DNAH6: variants seen among roughly 807,000 people sequenced by gnomAD.
The protein encoded by DNAH6 is dynein axonemal heavy chain 6.
A neutral mutation model predicts 491.4 loss-of-function variants in DNAH6; 340 were observed. The observed-to-expected ratio is 0.69, with a 90% confidence interval of 0.63 to 0.76. The LOEUF (loss-of-function observed/expected upper bound fraction) is 0.76, where lower values mean the gene tolerates loss of function less well. Ranked by LOEUF, DNAH6 falls within the 30% of genes least tolerant of loss-of-function variation. The pLI is 0.00. For missense variants in DNAH6, 4,443 were observed against 4,972.2 expected (o/e 0.89, Z 3.20); for synonymous variants, 1,603 against 1,686.1 (o/e 0.95, Z 1.21).
At position 84,613,308 on chromosome 2, in the gene DNAH6, T is replaced by C. The variant is rs77932714; in HGVS notation, c.3475+1454T>C. Among the ~76,000 whole-genome samples, 782 of 152,202 alleles carry C rather than the reference T, an allele frequency of 5.1e-3. 18 individuals are homozygous for C. The East Asian group carries it at 0.088, about 17-fold the overall frequency. ...CAAGGCTCCCAAGGTGAGTGCATGC[T>C]TCACATGCCCAATTGTTTGCAAGGA... On this transcript the variant is annotated intron_variant, in intron 22 of 76. Coordinates refer to ENST00000389394, the MANE Select transcript of DNAH6 (RefSeq NM_001370.2).
chr2:84,617,097 C>T (rs1046860418), intron 23 of DNAH6, 115 bp downstream of exon 23: 1 of 587,982 alleles, frequency 1.7e-6, no homozygotes, highest in African/African-American at 2.0e-5. Flanking sequence ...CAAAAAAGAT[C>T]TACGATAATG....
chr2:84,706,894 A>C lies in DNAH6; in HGVS notation c.8728-2A>C, dbSNP rs982318196. The C allele has an allele frequency of 1.3e-6, 2 of 1,536,788 alleles. No individual in the cohort carries two copies. The highest frequency in any genetic ancestry group is 2.2e-5 in the Admixed American group (1 of 46,182). The stretch of plus-strand genomic sequence containing the variant: ...TCTTAAACAGTTGCTTGATTTTATT[A>C]GGCTGAACTTGACATTACCATGGCT... On this transcript the variant is annotated splice_acceptor_variant, in intron 52 of 76. Coordinates refer to ENST00000389394, the MANE Select transcript of DNAH6 (RefSeq NM_001370.2). LOFTEE classifies it high-confidence loss of function.
intron 14 of DNAH6, among the ~76,000 whole-genome samples, chr2:84,583,005 C>G (rs184512576): frequency 6.6e-6 from 1 of 152,150 alleles, no homozygotes; most frequent in Non-Finnish European, 1.5e-5. Flanking sequence ...CCAAGTAGTA[C>G]GAACATGGCT....
In DNAH6 at chr2:84,605,500, G is replaced by A. The variant is rs759774035; in HGVS notation, c.3082G>A (p.Val1028Met). 1 of 1,548,570 alleles carries A rather than the reference G, an allele frequency of 6.5e-7. No homozygotes were observed. The highest frequency in any genetic ancestry group is 1.2e-5 in the South Asian group (1 of 83,998). The change falls in exon 20 of 77, where the codon GTG becomes ATG. Residue 1028 changes from valine (V) to methionine (M), a missense_variant and splice_region_variant. By Grantham distance (21) the Val-to-Met change is conservative. Coordinates refer to ENST00000389394, the MANE Select transcript of DNAH6 (RefSeq NM_001370.2). ...EAALEAILKK[V>M]EDSWKTTEFV... ...TCCTAAGGCTTGAATTATTTCTAAG[G>A]TGGAGGACTCTTGGAAAACAACTGA...
intron 54 of DNAH6, among the ~76,000 whole-genome samples, chr2:84,708,160 G>A (rs989524915): frequency 6.6e-6 from 1 of 152,108 alleles, no homozygotes; most frequent in Admixed American, 6.5e-5. Flanking sequence ...AGCCTCAGCT[G>A]GGTGCGGTGG....
intron 4 of DNAH6, among the ~76,000 whole-genome samples, chr2:84,533,132 G>A (rs1041680969): frequency 2.6e-5 from 4 of 152,114 alleles, no homozygotes; most frequent in African/African-American, 9.7e-5. Flanking sequence ...GCACTTAGCT[G>A]TGTGTGCAGC....
chr2:84,810,448 G>C (rs1031318612), intron 72 of DNAH6, among the ~76,000 whole-genome samples: 1 of 152,174 alleles, frequency 6.6e-6, no homozygotes, highest in African/African-American at 2.4e-5. Context: ...AAGGGGAGGA[G>C]CCCAGGGACA....
the DNAH6 span, among the ~76,000 whole-genome samples, chr2:84,461,406 G>A: frequency 5.9e-5 from 9 of 152,094 alleles, no homozygotes; most frequent in African/African-American, 1.4e-4. Context: ...AGTTTGGTCC[G>A]GGAACACCCC....
chr2:84,606,073 C>A (rs1158866099), intron 20 of DNAH6, among the ~76,000 whole-genome samples: 1 of 152,164 alleles, frequency 6.6e-6, no homozygotes, highest in African/African-American at 2.4e-5. Flanking sequence ...ACAATGGCCA[C>A]GCTCTGTCAA....
At chr2:84,492,069 C>G in the DNAH6 span, among the ~76,000 whole-genome samples, 964 of 152,280 alleles carry the variant, frequency 6.3e-3, 6 homozygotes, top group Non-Finnish European at 0.011. Context: ...CTTGTTTGCT[C>G]AGGCCTATCA....
intron 76 of DNAH6, among the ~76,000 whole-genome samples, chr2:84,816,523 A>C (rs1322453811): frequency 6.6e-6 from 1 of 152,208 alleles, no homozygotes; most frequent in Non-Finnish European, 1.5e-5. Context: ...CAGGAGTTCA[A>C]GACTAGCCTG....
At chr2:84,776,282 C>T (rs944433677) in intron 64 of DNAH6, among the ~76,000 whole-genome samples, 1 of 152,172 alleles carries the variant, frequency 6.6e-6, no homozygotes, top group African/African-American at 2.4e-5. Flanking sequence ...GCAACTGCAG[C>T]ATGTGCAGCA....
chr2:84,784,800 A>G lies in DNAH6; in HGVS notation c.10943A>G (p.Asn3648Ser). 6.5e-7 allele frequency: 1 copy of G among 1,548,406 alleles called. No homozygotes were observed. The change falls in exon 66 of 77, where the codon AAT (asparagine) becomes AGT (serine). Residue 3648 changes from asparagine to serine, a missense_variant. By Grantham distance (46) the Asn-to-Ser change is conservative. Coordinates refer to ENST00000389394, the MANE Select transcript of DNAH6 (RefSeq NM_001370.2). ...SNTFPVTVLQ[N>S]SVKVTNEPPK... ...ACATTTCCTGTTACAGTTCTTCAAAATTCTGTCAAGGTAATGTATGCATAT... is the reference window on the plus strand; with the variant it reads ...ACATTTCCTGTTACAGTTCTTCAAAGTTCTGTCAAGGTAATGTATGCATAT...
chr2:84,513,907 T>C (rs1194102795), upstream of DNAH6, among the ~76,000 whole-genome samples: 1 of 152,222 alleles, frequency 6.6e-6, no homozygotes, highest in African/African-American at 2.4e-5. Flanking sequence ...AGAAATATGC[T>C]GGTTTTCCTG....
chr2:84,808,966 G>A (rs1429918324), intron 72 of DNAH6, among the ~76,000 whole-genome samples: 1 of 152,188 alleles, frequency 6.6e-6, no homozygotes, highest in East Asian at 1.9e-4. Flanking sequence ...GTCCCCTGTG[G>A]TGTGTTCAAC....
At chr2:84,603,056 AT>A (rs1480758861) in intron 18 of DNAH6, among the ~76,000 whole-genome samples, 1 of 151,890 alleles carries the variant, frequency 6.6e-6, no homozygotes, top group Non-Finnish European at 1.5e-5. Context: ...AATCATAGTT[AT>A]TTTTAATTAT....
the DNAH6 span, among the ~76,000 whole-genome samples, chr2:84,506,451 G>A: frequency 6.6e-6 from 1 of 152,112 alleles, no homozygotes; most frequent in South Asian, 2.1e-4. Context: ...TGAGTTCATT[G>A]TAGATTCTGT....
chr2:84,533,333 A>G (rs534771466), intron 4 of DNAH6, among the ~76,000 whole-genome samples: 9 of 152,292 alleles, frequency 5.9e-5, no homozygotes, highest in African/African-American at 1.7e-4. Flanking sequence ...TATGCAGGAA[A>G]TGAAGAGTAA....
In DNAH6 at chr2:84,557,878, T is replaced by G; in HGVS notation, c.1746T>G (p.Ser582Arg). Residue 582 changes from serine to arginine, a missense_variant, in exon 11 of 77, where the codon AGT (serine) becomes AGG (arginine). Transcript: ENST00000389394. ...LEGKTCGTGP[S>R]LAAVFEDDKN... ...GAAAAACCTGTGGAACTGGGCCAAG[T>G]TTAGCAGCAGTATTTGAGGATGATA... 1 of 1,612,612 alleles carries G rather than the reference T, an allele frequency of 6.2e-7. No homozygotes were observed. The highest frequency in any genetic ancestry group is 8.5e-7 in the Non-Finnish European group (1 of 1,179,132).
Sources: allele counts gnomAD v4.1 joint callset (sites outside exome capture counted in the v4.1 genomes callset), GRCh38; gene constraint gnomAD v4.1.1; transcripts MANE v1.5; gene names NCBI Gene and HGNC (gene_info 2026-07-23, HGNC 2026-07-21).